Variants in RTL4 observed in about 807,000 individuals in gnomAD.
The protein encoded by RTL4 is retrotransposon Gag like 4.
A neutral mutation model predicts 5.3 loss-of-function variants in RTL4; 4 were observed. The ratio of observed to expected loss-of-function variants is 0.75; its 90% CI spans 0.37 to 1.72. The LOEUF (loss-of-function observed/expected upper bound fraction) is 1.72. RTL4 is among the 40% of genes most tolerant of loss of function. RTL4 has a pLI of 0.04. For synonymous variants in RTL4, 98 were observed against 87.3 expected, an observed-to-expected ratio of 1.12 and a Z score of -0.68; for missense variants, 260 against 227.1, an observed-to-expected ratio of 1.14 and a Z score of -0.93.
chrX:112,157,105 T>G, the RTL4 span, among the ~76,000 whole-genome samples: 5 of 109,341 alleles, frequency 4.6e-5, no homozygotes, highest in Non-Finnish European at 7.6e-5. Context: ...TGTGTGTTTC[T>G]GTGTTTTAGC....
the RTL4 span, among the ~76,000 whole-genome samples, chrX:112,167,003 C>T: frequency 9.0e-6 from 1 of 111,508 alleles, no homozygotes; most frequent in African/African-American, 3.3e-5. Flanking sequence ...CCTTAAGTGA[C>T]TTCTTGTATT....
At chrX:112,136,076 A>G in the RTL4 span, among the ~76,000 whole-genome samples, 1 of 109,831 alleles carries the variant, frequency 9.1e-6, no homozygotes, top group African/African-American at 3.3e-5. Context: ...TAAGTGTTTT[A>G]TTCTTTTTGA....
the RTL4 span, among the ~76,000 whole-genome samples, chrX:112,377,675 G>A: frequency 1.8e-5 from 2 of 112,053 alleles, no homozygotes; most frequent in Non-Finnish European, 3.8e-5. Context: ...TGCCAACTTT[G>A]TACAGGGTTT....
the RTL4 span, among the ~76,000 whole-genome samples, chrX:112,397,019 C>G: frequency 8.9e-6 from 1 of 111,839 alleles, no homozygotes; most frequent in Non-Finnish European, 1.9e-5. Flanking sequence ...CTAGACAAAA[C>G]AGATTTCTCC....
the RTL4 span, among the ~76,000 whole-genome samples, chrX:112,184,634 A>G: frequency 8.9e-6 from 1 of 112,250 alleles, no homozygotes; most frequent in African/African-American, 3.2e-5. Context: ...TCCTTGAATC[A>G]TGCTGTGCTT....
At chrX:112,396,858 A>G in the RTL4 span, among the ~76,000 whole-genome samples, 1 of 111,207 alleles carries the variant, frequency 9.0e-6, no homozygotes, top group African/African-American at 3.3e-5. Flanking sequence ...GATGGCCTTG[A>G]CAGTGTTGAG....
the RTL4 span, among the ~76,000 whole-genome samples, chrX:112,368,742 G>T: frequency 2.7e-5 from 3 of 111,713 alleles, no homozygotes; most frequent in Non-Finnish European, 3.8e-5. Flanking sequence ...AAACTCAGAG[G>T]CCTCTTCAAA....
At chrX:112,111,267 CTT>C in the RTL4 span, among the ~76,000 whole-genome samples, 1 of 110,548 alleles carries the variant, frequency 9.0e-6, no homozygotes, top group African/African-American at 3.3e-5. Flanking sequence ...CTCTTTCTCT[CTT>C]TCTTTCTCTC....
At chrX:112,311,567 C>G in the RTL4 span, among the ~76,000 whole-genome samples, 1 of 110,774 alleles carries the variant, frequency 9.0e-6, no homozygotes, top group Middle Eastern at 4.6e-3. Flanking sequence ...AGACTTTTTC[C>G]CTCCCTCCTC....
At chrX:112,226,712 T>G in the RTL4 span, among the ~76,000 whole-genome samples, 4 of 75,689 alleles carry the variant, frequency 5.3e-5, no homozygotes, top group Admixed American at 5.0e-4. Flanking sequence ...ACATTATTAT[T>G]CATGTATTTG....
the RTL4 span, among the ~76,000 whole-genome samples, chrX:112,114,535 C>A: frequency 8.9e-5 from 10 of 111,733 alleles, no homozygotes; most frequent in Non-Finnish European, 1.7e-4. Context: ...CTGAAAACTT[C>A]CCCAGGTCTA....
At chrX:112,173,639 C>T in the RTL4 span, among the ~76,000 whole-genome samples, 2 of 110,219 alleles carry the variant, frequency 1.8e-5, no homozygotes, top group African/African-American at 3.3e-5. Flanking sequence ...TTAAGCATGT[C>T]GGGGAGTTTG....
At chrX:112,193,106 G>A in the RTL4 span, among the ~76,000 whole-genome samples, 1 of 111,719 alleles carries the variant, frequency 9.0e-6, no homozygotes, top group African/African-American at 3.2e-5. Flanking sequence ...GGTTTCTGGT[G>A]AGAAATCAGT....
the RTL4 span, among the ~76,000 whole-genome samples, chrX:112,120,580 G>GTTTTT: frequency 0.022 from 2,032 of 92,933 alleles, 28 homozygotes; most frequent in African/African-American, 0.033. Flanking sequence ...CCCGGCTGGG[G>GTTTTT]TTTTTTTTTT....
At chrX:112,104,690 T>C in the RTL4 span, among the ~76,000 whole-genome samples, 2 of 112,283 alleles carry the variant, frequency 1.8e-5, no homozygotes, top group Admixed American at 9.4e-5. Context: ...GCCATTTATA[T>C]GTCTTCTTTT....
At chrX:112,259,215 A>G in the RTL4 span, among the ~76,000 whole-genome samples, 2 of 111,671 alleles carry the variant, frequency 1.8e-5, no homozygotes, top group African/African-American at 6.5e-5. Flanking sequence ...GTGAATTGAC[A>G]TCTTAAAATA....
the RTL4 span, among the ~76,000 whole-genome samples, chrX:112,157,928 T>C: frequency 8.9e-6 from 1 of 112,024 alleles, no homozygotes; most frequent in East Asian, 2.8e-4. Context: ...CAGTCTCCCC[T>C]GCTGAGATCT....
the RTL4 span, among the ~76,000 whole-genome samples, chrX:112,377,427 G>A: frequency 8.9e-6 from 1 of 111,981 alleles, no homozygotes; most frequent in African/African-American, 3.3e-5. Context: ...ACTATCAGTT[G>A]TATATCCTTG....
chrX:112,318,612 T>C, the RTL4 span, among the ~76,000 whole-genome samples: 3 of 111,988 alleles, frequency 2.7e-5, no homozygotes, highest in Non-Finnish European at 3.8e-5. Context: ...TTAAGAGTTA[T>C]TTTTCTTACT....
Sources: allele counts gnomAD v4.1 joint callset (sites outside exome capture counted in the v4.1 genomes callset), GRCh38; gene constraint gnomAD v4.1.1; transcripts MANE v1.5; gene names NCBI Gene and HGNC (gene_info 2026-07-23, HGNC 2026-07-21).